DAPK1: variants seen among roughly 807,000 people sequenced by gnomAD.
DAPK1 encodes the protein death associated protein kinase 1, also known as death-associated protein kinase 1.
Under a neutral mutation model 144.9 loss-of-function variants are expected in DAPK1, and 56 were observed. That is an observed-to-expected ratio of 0.39 (90% CI 0.31 to 0.48). The LOEUF is 0.48. Among genes scored for constraint, DAPK1 ranks in the 20% least tolerant of loss-of-function variants. The pLI is 0.95. For missense variants in DAPK1, 1,454 were observed against 1,875.4 expected (o/e 0.78, Z 4.15); for synonymous variants, 690 against 749.0 (o/e 0.92, Z 1.29).
At chr9:87,526,359 T>C (rs1466505682) in intron 2 of DAPK1, among the ~76,000 whole-genome samples, 5 of 152,218 alleles carry the variant, frequency 3.3e-5, no homozygotes, top group African/African-American at 1.2e-4. Flanking sequence ...CTGTCAGTTT[T>C]CTGTTCTTGC....
At chr9:87,648,118 A>G (rs1830330869) in intron 14 of DAPK1, among the ~76,000 whole-genome samples, 2 of 152,384 alleles carry the variant, frequency 1.3e-5, no homozygotes, top group African/African-American at 4.8e-5. Context: ...TCTGAGGGGT[A>G]ACATTCATAT....
chr9:87,691,457 T>G (rs1825050291), intron 21 of DAPK1, among the ~76,000 whole-genome samples: 1 of 151,998 alleles, frequency 6.6e-6, no homozygotes, highest in South Asian at 2.1e-4. Context: ...ATTTCATCAG[T>G]TCTTTGTATT....
At chr9:87,602,628 T>A (rs1404283092) in intron 2 of DAPK1, among the ~76,000 whole-genome samples, 1 of 151,946 alleles carries the variant, frequency 6.6e-6, no homozygotes, top group African/African-American at 2.4e-5. Flanking sequence ...TTTTCTTTTT[T>A]CTTTTTTTTT....
At chr9:87,567,394 G>A (rs1827167503) in intron 2 of DAPK1, among the ~76,000 whole-genome samples, 2 of 152,078 alleles carry the variant, frequency 1.3e-5, no homozygotes, top group Admixed American at 1.3e-4. Flanking sequence ...GGGGAATGGG[G>A]GTAGGGAAGG....
chr9:87,634,684 C>A (rs1035195361), intron 3 of DAPK1, among the ~76,000 whole-genome samples: 3 of 152,180 alleles, frequency 2.0e-5, no homozygotes, highest in Admixed American at 6.5e-5. Context: ...ATGTGGAACA[C>A]CATGGCAGGC....
At chr9:87,583,668 C>T (rs1293667942) in intron 2 of DAPK1, among the ~76,000 whole-genome samples, 1 of 152,060 alleles carries the variant, frequency 6.6e-6, no homozygotes, top group Non-Finnish European at 1.5e-5. Flanking sequence ...TTGACCTCCT[C>T]ATTTCCAGCC....
In DAPK1 at chr9:87,686,507, C is replaced by T. The variant is rs139999852; in HGVS notation, c.2225-44C>T. 6.4e-5 allele frequency: 73 copies of T among 1,134,532 alleles called. No individual in the cohort carries two copies. The highest frequency in any genetic ancestry group is 5.7e-4 in the African/African-American group (37 of 65,174). The allele number at this position is 1,134,532 out of a possible 1,614,324, so 70.3% of individuals were successfully genotyped here. On this transcript the variant is annotated intron_variant, in intron 20 of 25. Transcript: ENST00000408954. The surrounding 1 kb of genome is among the most constrained non-coding windows in gnomAD (Gnocchi z 4.2). ...CCAGCCTGGGAGGGAGACAGGCACA[C>T]GCTGCCCCCATCGAGTACTCATGTG...
chr9:87,602,823 G>A (rs932091785), intron 2 of DAPK1, among the ~76,000 whole-genome samples: 3 of 151,858 alleles, frequency 2.0e-5, no homozygotes, highest in African/African-American at 7.3e-5. Flanking sequence ...TAGTAGAGAC[G>A]GGGTTTCACC....
intron 3 of DAPK1, among the ~76,000 whole-genome samples, chr9:87,606,737 C>CCTTTT: frequency 8.4e-6 from 1 of 118,662 alleles, no homozygotes; most frequent in Non-Finnish European, 1.8e-5. Flanking sequence ...CTCCCTCCCT[C>CCTTTT]TCTCCTTCCT....
At chr9:87,619,722 C>T (rs1198622053) in intron 3 of DAPK1, among the ~76,000 whole-genome samples, 1 of 152,178 alleles carries the variant, frequency 6.6e-6, no homozygotes, top group Non-Finnish European at 1.5e-5. Flanking sequence ...GTCGATGGGA[C>T]TCCACGGGAC....
chr9:87,523,000 G>A (rs113579383), intron 2 of DAPK1, among the ~76,000 whole-genome samples: 51 of 152,160 alleles, frequency 3.4e-4, no homozygotes, highest in Non-Finnish European at 3.2e-4. Context: ...TTCATGTTAT[G>A]ATTTGCACAT....
chr9:87,584,969 G>A (rs987155421), intron 2 of DAPK1, among the ~76,000 whole-genome samples: 7 of 152,122 alleles, frequency 4.6e-5, no homozygotes, highest in African/African-American at 1.2e-4. Context: ...GAGCCACTGC[G>A]TCCAGCCGTA....
chr9:87,680,587 G>A (rs1180465889), intron 19 of DAPK1, among the ~76,000 whole-genome samples: 1 of 152,032 alleles, frequency 6.6e-6, no homozygotes, highest in East Asian at 1.9e-4. Flanking sequence ...GTGGACATTT[G>A]GGCCATCCAA....
intron 2 of DAPK1, among the ~76,000 whole-genome samples, chr9:87,515,984 C>T (rs565345121): frequency 5.3e-5 from 8 of 152,248 alleles, no homozygotes; most frequent in African/African-American, 2.4e-5. Flanking sequence ...CAGCTCTCAC[C>T]GCACACTCAG....
chr9:87,593,738 T>C (rs1828219618), intron 2 of DAPK1, among the ~76,000 whole-genome samples: 1 of 152,220 alleles, frequency 6.6e-6, no homozygotes, highest in Non-Finnish European at 1.5e-5. Context: ...ATGAACCTCC[T>C]GCCTTCTTTG....
intron 25 of DAPK1, among the ~76,000 whole-genome samples, chr9:87,703,871 G>A (rs964440657): frequency 1.3e-5 from 2 of 152,210 alleles, no homozygotes; most frequent in Non-Finnish European, 2.9e-5. Flanking sequence ...AGGAACGGGG[G>A]CAGTGCCTTC....
intron 12 of DAPK1, 51 bp downstream of exon 12, chr9:87,646,065 C>A (rs932198347): frequency 8.8e-6 from 14 of 1,587,486 alleles, no homozygotes; most frequent in South Asian, 1.1e-5. Flanking sequence ...AGCGACCTTG[C>A]CCTTCCATAT....
At position 87,707,115 on chromosome 9, in the gene DAPK1, G is replaced by C; in HGVS notation, c.4044G>C (p.Gly1348=). The C allele has an allele frequency of 6.2e-7, 1 of 1,613,944 alleles. No individual in the cohort carries two copies. Among genetic ancestry groups the C allele is most frequent in the Non-Finnish European group, 8.5e-7 (1 of 1,179,892 alleles). The change falls in exon 26 of 26, where the codon GGG becomes GGC. Residue 1348 remains glycine, a synonymous_variant. Coordinates refer to ENST00000408954, the MANE Select transcript of DAPK1 (RefSeq NM_004938.4). This position sits in a 1 kb window ranked among gnomAD's most constrained non-coding sequence, Gnocchi z 4.0. The part of the protein sequence containing the change: ...DLVAKYNTSN[G]APKDFLPSPL... ...TGGCAAAGTACAACACCAGTAACGGGGCTCCCAAGGATTTCCTCCCCAGCC... is the reference window on the plus strand; with the variant it reads ...TGGCAAAGTACAACACCAGTAACGGCGCTCCCAAGGATTTCCTCCCCAGCC...
intron 2 of DAPK1, among the ~76,000 whole-genome samples, chr9:87,582,535 T>C (rs1827785729): frequency 6.7e-6 from 1 of 150,196 alleles, no homozygotes; most frequent in Admixed American, 6.6e-5. Flanking sequence ...CTTACTATGG[T>C]CACACTTTGC....
Sources: allele counts gnomAD v4.1 joint callset (sites outside exome capture counted in the v4.1 genomes callset), GRCh38; gene constraint gnomAD v4.1.1; non-coding constraint Gnocchi (gnomAD v3.1); transcripts MANE v1.5; gene names NCBI Gene and HGNC (gene_info 2026-07-23, HGNC 2026-07-21).